Variants in NEBL observed in about 807,000 individuals in gnomAD.
NEBL encodes the protein nebulette, also known as LIM and SH3 protein 2.
In NEBL, 122 loss-of-function variants were observed where a neutral mutation model predicts 140.2. That is an observed-to-expected ratio of 0.87 (90% confidence interval 0.75 to 1.01). The LOEUF (loss-of-function observed/expected upper bound fraction) is 1.01. NEBL is among the 50% of genes least tolerant of loss of function. NEBL has a pLI of 0.00. For missense variants in NEBL, 1,365 were observed against 1,231.3 expected (o/e 1.11, Z -1.62); for synonymous variants, 436 against 398.9 (o/e 1.09, Z -1.11).
intron 2 of NEBL, among the ~76,000 whole-genome samples, chr10:21,094,338 T>C (rs573000668): frequency 3.3e-5 from 5 of 151,710 alleles, no homozygotes; most frequent in Admixed American, 6.6e-5. Flanking sequence ...CCGTCTCTAC[T>C]AAAAATATAA....
At chr10:20,980,510 T>C (rs772213618) in intron 3 of NEBL, among the ~76,000 whole-genome samples, 8 of 152,150 alleles carry the variant, frequency 5.3e-5, no homozygotes, top group Non-Finnish European at 1.0e-4. Context: ...AATCGTTGGT[T>C]AAGGTCATGT....
intron 4 of NEBL, among the ~76,000 whole-genome samples, chr10:20,902,757 A>G (rs1284200280): frequency 6.6e-6 from 1 of 152,148 alleles, no homozygotes; most frequent in Non-Finnish European, 1.5e-5. Context: ...AATCTTCACC[A>G]CCAAGAGGAA....
intron 9 of NEBL, among the ~76,000 whole-genome samples, chr10:20,857,791 T>C (rs1843231098): frequency 6.6e-6 from 1 of 152,112 alleles, no homozygotes; most frequent in African/African-American, 2.4e-5. Flanking sequence ...GTCAATGCAG[T>C]ATAAATGCTG....
At chr10:20,823,416 T>C (rs1839542111) in intron 18 of NEBL, 116 bp from the exon 19 acceptor site, 1 of 719,000 alleles carries the variant, frequency 1.4e-6, no homozygotes, top group African/African-American at 1.8e-5. Context: ...CAACATTACT[T>C]TTCCTTCACT....
chr10:20,841,116 A>G (rs1318706363), intron 12 of NEBL, among the ~76,000 whole-genome samples: 1 of 152,056 alleles, frequency 6.6e-6, no homozygotes, highest in Non-Finnish European at 1.5e-5. Context: ...TTTTAAAGAC[A>G]TCTTCTCTTT....
At chr10:21,023,719 A>G (rs2059115977) in intron 2 of NEBL, among the ~76,000 whole-genome samples, 1 of 152,084 alleles carries the variant, frequency 6.6e-6, no homozygotes, top group South Asian at 2.1e-4. Flanking sequence ...AAATAAATAA[A>G]TAAAATAAAG....
At chr10:20,868,363 G>C (rs1844539409) in intron 7 of NEBL, 1 of 333,756 alleles carries the variant, frequency 3.0e-6, no homozygotes, top group African/African-American at 2.1e-5. Flanking sequence ...CAATTATTTA[G>C]TATGACTATT....
intron 2 of NEBL, among the ~76,000 whole-genome samples, chr10:21,161,250 T>G (rs1047666325): frequency 6.6e-6 from 1 of 152,176 alleles, no homozygotes; most frequent in Non-Finnish European, 1.5e-5. Context: ...CAGGCTGGTC[T>G]TGAACTCCTG....
intron 3 of NEBL, among the ~76,000 whole-genome samples, chr10:21,225,651 C>T (rs750415799): frequency 2.6e-5 from 4 of 152,172 alleles, no homozygotes; most frequent in Non-Finnish European, 5.9e-5. Flanking sequence ...AGGAGTCTCC[C>T]CATGGCCACC....
At chr10:21,145,677 C>T (rs1489179421) in intron 2 of NEBL, among the ~76,000 whole-genome samples, 2 of 152,140 alleles carry the variant, frequency 1.3e-5, no homozygotes, top group East Asian at 1.9e-4. Flanking sequence ...TATGACCTGC[C>T]GAACATCCCA....
chr10:20,917,748 G>A (rs1833377512), intron 4 of NEBL, among the ~76,000 whole-genome samples: 1 of 152,252 alleles, frequency 6.6e-6, no homozygotes, highest in Admixed American at 6.5e-5. Flanking sequence ...GTGTGTTTCT[G>A]TCTCATGGTG....
chr10:20,952,046 T>C (rs56933922), intron 4 of NEBL, among the ~76,000 whole-genome samples: 2,686 of 152,208 alleles, frequency 0.018, 76 homozygotes, highest in African/African-American at 0.06. Flanking sequence ...TCAACCAAGA[T>C]CTGGAAAACT....
At position 21,145,782 on chromosome 10, in the gene NEBL, C is replaced by T. The variant is rs75907214; in HGVS notation, c.164+26601G>A. ...CTGCCTGCAACAAGGCTAACCTGCACGCAAACCCTGTAGGGAAATGCCAAG... is the reference window on the plus strand; with the variant it reads ...CTGCCTGCAACAAGGCTAACCTGCATGCAAACCCTGTAGGGAAATGCCAAG... On this transcript the variant is annotated intron_variant, in intron 2 of 6. Transcript: ENST00000417816. Among the ~76,000 whole-genome samples, 914 of 152,292 alleles carry T rather than the reference C, an allele frequency of 6.0e-3. 40 individuals carry two copies. In the East Asian group the frequency reaches 0.12, roughly 20 times the overall value.
intron 14 of NEBL, 49 bp from the exon 15 acceptor site, chr10:20,831,632 C>G (rs1488852649): frequency 3.2e-6 from 4 of 1,258,450 alleles, no homozygotes; most frequent in Non-Finnish European, 4.6e-6. Context: ...ATTTGAGAAA[C>G]TGCTCAAAAA....
At chr10:21,138,802 C>T (rs1023342360) in intron 2 of NEBL, among the ~76,000 whole-genome samples, 16 of 140,888 alleles carry the variant, frequency 1.1e-4, no homozygotes, top group Admixed American at 2.9e-4. Flanking sequence ...CTTTTAGTAA[C>T]GACACCAAAC....
intron 2 of NEBL, among the ~76,000 whole-genome samples, chr10:21,034,943 CTTATTTAT>C (rs199827432): frequency 0.026 from 3,703 of 142,276 alleles, 67 homozygotes; most frequent in African/African-American, 0.046. Flanking sequence ...GCTATTTATT[CTTATTTAT>C]TTATTTATTT....
intron 26 of NEBL, chr10:20,793,211 A>C (rs935335589): frequency 1.3e-5 from 4 of 296,778 alleles, no homozygotes; most frequent in African/African-American, 2.3e-5. Context: ...CTTCAATATA[A>C]AAATGAAGTG....
chr10:21,221,708 T>C (rs1387531355), intron 3 of NEBL, among the ~76,000 whole-genome samples: 2 of 152,180 alleles, frequency 1.3e-5, no homozygotes, highest in Admixed American at 6.5e-5. Context: ...TTTCACCACG[T>C]TGGCCAGGCT....
chr10:20,891,935 C>T (rs528702162), intron 2 of NEBL, among the ~76,000 whole-genome samples: 32 of 152,066 alleles, frequency 2.1e-4, no homozygotes, highest in Non-Finnish European at 4.0e-4. Flanking sequence ...AGCCTTCCTA[C>T]ACCAAGATAA....
Sources: allele counts gnomAD v4.1 joint callset (sites outside exome capture counted in the v4.1 genomes callset), GRCh38; gene constraint gnomAD v4.1.1; transcripts MANE v1.5; gene names NCBI Gene and HGNC (gene_info 2026-07-23, HGNC 2026-07-21).